The following ARID4B variants were observed in gnomAD, a reference collection of about 807,000 sequenced individuals.
The protein encoded by ARID4B is AT-rich interactive domain-containing protein 4B.
Under a neutral mutation model 147.5 loss-of-function variants are expected in ARID4B, and 26 were observed. The observed-to-expected ratio is 0.18, with a 90% confidence interval of 0.13 to 0.24. The LOEUF (loss-of-function observed/expected upper bound fraction) is 0.24. Ranked by LOEUF, ARID4B falls within the 10% of genes least tolerant of loss-of-function variation. The pLI is 1.00. For synonymous variants in ARID4B, 512 were observed against 507.9 expected, an observed-to-expected ratio of 1.01 and a Z score of -0.11; for missense variants, 1,179 against 1,511.5, an observed-to-expected ratio of 0.78 and a Z score of 3.65.
At chr1:235,257,259 TAAACCAAGCA>T (rs1432593435) in intron 3 of ARID4B, 34 bp from the exon 4 acceptor site, 2 of 1,461,394 alleles carry the variant, frequency 1.4e-6, no homozygotes, top group Admixed American at 3.4e-5. Flanking sequence ...CCACCAAAAA[TAAACCAAGCA>T]ACACAAGCTC....
intron 22 of ARID4B, among the ~76,000 whole-genome samples, chr1:235,174,261 G>A (rs941775650): frequency 5.9e-5 from 9 of 151,758 alleles, no homozygotes; most frequent in Non-Finnish European, 1.2e-4. Flanking sequence ...GGCTGGTCTC[G>A]AACTCCTGAC....
chr1:235,179,532 A>G (rs1664136447), intron 20 of ARID4B, among the ~76,000 whole-genome samples: 1 of 109,860 alleles, frequency 9.1e-6, no homozygotes, highest in Non-Finnish European at 1.9e-5. Flanking sequence ...TCTCAAAAAA[A>G]AAAAAAAAAA....
intron 6 of ARID4B, among the ~76,000 whole-genome samples, chr1:235,249,669 C>T (rs770421622): frequency 6.6e-5 from 10 of 151,734 alleles, no homozygotes; most frequent in Admixed American, 1.3e-4. Context: ...TGGCCGGGCA[C>T]GGTGGCTCAC....
chr1:235,170,687 A>G (rs6679734), intron 23 of ARID4B, among the ~76,000 whole-genome samples: 64,075 of 151,658 alleles, frequency 0.42, 14,174 homozygotes, highest in South Asian at 0.59. Context: ...GCAGTGAGCC[A>G]AGATTGCACC....
At chr1:235,267,352 A>G (rs940205691) in intron 2 of ARID4B, among the ~76,000 whole-genome samples, 5 of 152,208 alleles carry the variant, frequency 3.3e-5, no homozygotes, top group Non-Finnish European at 5.9e-5. Flanking sequence ...CAATAAATCT[A>G]TGAAAACAGC....
chr1:235,322,305 A>C (rs10925435), intron 2 of ARID4B, among the ~76,000 whole-genome samples: 70,705 of 151,778 alleles, frequency 0.47, 16,793 homozygotes, highest in South Asian at 0.6. Context: ...CAGGTGTGAG[A>C]CACCATGCCT....
chr1:235,189,843 C>T (rs182203749), intron 19 of ARID4B, among the ~76,000 whole-genome samples: 37 of 151,954 alleles, frequency 2.4e-4, no homozygotes, highest in South Asian at 1.3e-3. Flanking sequence ...AAGTTTGAGA[C>T]CAGCCTGGGC....
chr1:235,319,384 C>CACCTCTGGTCCCAGCTACCTGGGA (rs1674662752), intron 2 of ARID4B, among the ~76,000 whole-genome samples: 1 of 152,108 alleles, frequency 6.6e-6, no homozygotes, highest in African/African-American at 2.4e-5. Flanking sequence ...TGGTGCCGTG[C>CACCTCTGGTCCCAGCTACCTGGGA]ACCTCTGGTC....
chr1:235,324,611 A>G (rs1675092035), intron 2 of ARID4B, among the ~76,000 whole-genome samples: 1 of 152,234 alleles, frequency 6.6e-6, no homozygotes, highest in African/African-American at 2.4e-5. Flanking sequence ...AATAAATGGC[A>G]TAAAACCTTC....
chr1:235,278,125 C>T (rs184875385), intron 2 of ARID4B, among the ~76,000 whole-genome samples: 1 of 152,234 alleles, frequency 6.6e-6, no homozygotes, highest in African/African-American at 2.4e-5. Flanking sequence ...TCGGTCTTGC[C>T]TTCTTTCAAT....
intron 2 of ARID4B, among the ~76,000 whole-genome samples, chr1:235,264,134 C>G (rs984888103): frequency 1.3e-5 from 2 of 152,224 alleles, no homozygotes; most frequent in African/African-American, 2.4e-5. Flanking sequence ...GCTGCCACCT[C>G]TATTTATTAT....
intron 2 of ARID4B, among the ~76,000 whole-genome samples, chr1:235,311,077 T>G (rs1227483244): frequency 6.6e-6 from 1 of 152,098 alleles, no homozygotes; most frequent in Non-Finnish European, 1.5e-5. Flanking sequence ...CTAATCCTCA[T>G]AGATTACCTT....
At chr1:235,217,268 C>CT (rs1251242878) in intron 16 of ARID4B, among the ~76,000 whole-genome samples, 7 of 152,166 alleles carry the variant, frequency 4.6e-5, no homozygotes, top group African/African-American at 1.7e-4. Context: ...ATTCTACTCT[C>CT]TAAGACTTCA....
intron 2 of ARID4B, among the ~76,000 whole-genome samples, chr1:235,302,196 A>G (rs961704312): frequency 1.4e-5 from 2 of 143,214 alleles, no homozygotes; most frequent in African/African-American, 2.6e-5. Flanking sequence ...AAAAACAAAG[A>G]AACAAGGAAA....
At chr1:235,226,851 TAC>T (rs2103038574) in intron 11 of ARID4B, among the ~76,000 whole-genome samples, 1 of 152,286 alleles carries the variant, frequency 6.6e-6, no homozygotes, top group East Asian at 1.9e-4. Flanking sequence ...GTATTTTTAG[TAC>T]AGACGGGGTT....
Position 235,182,148 on chromosome 1 carries a change from C to T in ARID4B, c.2771G>A (p.Arg924Gln), listed in dbSNP as rs1040035755. The part of the protein sequence containing the change: ...ERLQNSRAKD[R>Q]KDVWSSIQGQ... ...CTGAATACTTGACCAGACATCTTTT[C>T]GATCTTTGGCCCTGCTGTTTTGAAG... Residue 924 changes from arginine (R) to glutamine (Q), a missense_variant, in exon 20 of 24, where the codon CGA becomes CAA. Transcript: ENST00000264183. 1.9e-6 allele frequency: 3 copies of T among 1,614,162 alleles called. No individual in the cohort carries two copies. The highest frequency in any genetic ancestry group is 1.7e-6 in the Non-Finnish European group (2 of 1,180,014).
At chr1:235,223,507 A>T (rs1426565055) in intron 12 of ARID4B, among the ~76,000 whole-genome samples, 1 of 149,814 alleles carries the variant, frequency 6.7e-6, no homozygotes, top group South Asian at 2.1e-4. Context: ...AAAATTTTTT[A>T]AATTTTAAAA....
intron 2 of ARID4B, among the ~76,000 whole-genome samples, chr1:235,290,597 T>C (rs1030905800): frequency 1.3e-4 from 20 of 152,226 alleles, no homozygotes; most frequent in African/African-American, 4.3e-4. Flanking sequence ...TGTCCAAAAA[T>C]AGGGGTGTGG....
At chr1:235,302,153 G>GAAAAAAAAAAAAAAAAAAAAAAAAA (rs749154889) in intron 2 of ARID4B, among the ~76,000 whole-genome samples, 1 of 30,656 alleles carries the variant, frequency 3.3e-5, no homozygotes, top group Non-Finnish European at 5.5e-5. Context: ...TCAAAAAACG[G>GAAAAAAAAAAAAAAAAAAAAAAAAA]AAAAAAAAAA....
Sources: gnomAD v4.1 joint callset for allele counts (sites outside exome capture counted in the v4.1 genomes callset) on GRCh38, gnomAD v4.1.1 for gene constraint, MANE v1.5 for transcripts, NCBI Gene and HGNC (gene_info 2026-07-23, HGNC 2026-07-21) for gene names.